PODXL: variants seen among roughly 807,000 people sequenced by gnomAD.
PODXL encodes podocalyxin like, also known as podocalyxin.
In PODXL, 20 loss-of-function variants were observed where a neutral mutation model predicts 48.9. That is an observed-to-expected ratio of 0.41 (90% CI 0.29 to 0.59). The LOEUF (loss-of-function observed/expected upper bound fraction) is 0.59. PODXL is among the 20% of genes least tolerant of loss of function. The probability of loss-of-function intolerance (pLI) is 0.31; values close to 1 mark genes in which losing one functional copy is unlikely to be tolerated. For missense variants in PODXL, 606 were observed against 675.1 expected, an observed-to-expected ratio of 0.90 and a Z score of 1.13; for synonymous variants, 295 against 287.4, an observed-to-expected ratio of 1.03 and a Z score of -0.27.
At chr7:131,539,018 GGCA>G (rs2116849318) in intron 1 of PODXL, among the ~76,000 whole-genome samples, 1 of 152,348 alleles carries the variant, frequency 6.6e-6, no homozygotes, top group Admixed American at 6.5e-5. Flanking sequence ...CCAGCCAGCT[GGCA>G]GGCGAGGACG....
rs1459193597 is a variant in PODXL, at chr7:131,504,051, T to TA, written c.*259dup. The TA allele has an allele frequency of 5.6e-6, 3 of 532,416 alleles. No homozygotes were observed. In the African/African-American group the frequency reaches 5.7e-5, roughly 10 times the overall value. 33.0% of individuals were successfully genotyped at this position (532,416 alleles called of 1,614,324 possible). ...CCACTAGTTCATCTATAAAGTCCCTTACGTGGCTTTTTCTTGATCTCCCTC... is the reference window on the plus strand; with the variant it reads ...CCACTAGTTCATCTATAAAGTCCCTTAACGTGGCTTTTTCTTGATCTCCCTC... On this transcript the variant is annotated 3_prime_UTR_variant, in exon 9 of 9. Transcript: ENST00000378555.
In PODXL at chr7:131,500,667, CAGAA is replaced by C. The variant is rs533712758; in HGVS notation, c.*3640_*3643del. ...GCTCATCCAAAACTTTGTTTCTTGG[CAGAA>C]AGAAAGAATTGTTCACTTACATCTT... On this transcript the variant is annotated 3_prime_UTR_variant, in exon 9 of 9. Transcript: ENST00000378555. 1.3e-4 allele frequency: 20 copies of C among 152,314 alleles called. No individual in the cohort carries two copies. Among genetic ancestry groups the C allele is most frequent in the South Asian group, 1.0e-3 (5 of 4,824 alleles). The allele number at this position is 152,314 out of a possible 1,614,324, so 9.4% of individuals were successfully genotyped here.
At chr7:131,528,175 C>A (rs1026223966) in intron 1 of PODXL, among the ~76,000 whole-genome samples, 2 of 152,072 alleles carry the variant, frequency 1.3e-5, no homozygotes, top group Non-Finnish European at 2.9e-5. Flanking sequence ...GGATTTCAGG[C>A]GTGAGCCACC....
At chr7:131,527,697 T>G (rs907258043) in intron 1 of PODXL, among the ~76,000 whole-genome samples, 2 of 152,190 alleles carry the variant, frequency 1.3e-5, no homozygotes, top group African/African-American at 2.4e-5. Context: ...ACCAGAGACA[T>G]ACGGCAGCAG....
chr7:131,505,766 G>A, intron 8 of PODXL, 102 bp downstream of exon 8: 1 of 1,196,072 alleles, frequency 8.4e-7, no homozygotes, highest in Non-Finnish European at 1.2e-6. Flanking sequence ...AAAGGGTCCA[G>A]GGCCTGCTCC....
chr7:131,515,187 A>C (rs1481533742), intron 1 of PODXL, among the ~76,000 whole-genome samples: 5 of 152,206 alleles, frequency 3.3e-5, no homozygotes, highest in Admixed American at 2.6e-4. Context: ...GTTTCAAGAA[A>C]GAGAACAACA....
intron 1 of PODXL, among the ~76,000 whole-genome samples, chr7:131,511,703 G>A (rs1021005665): frequency 2.6e-5 from 4 of 151,776 alleles, no homozygotes; most frequent in African/African-American, 4.8e-5. Context: ...CTATCCTCCC[G>A]CCTCTGCCTC....
rs34232088 is a variant in PODXL, at chr7:131,507,995, C to G, written c.1101+956G>C. Among the ~76,000 whole-genome samples the G allele has an allele frequency of 7.9e-3, 1,198 of 152,302 alleles. 9 individuals are homozygous for G. Among genetic ancestry groups the G allele is most frequent in the Non-Finnish European group, 0.013 (880 of 68,026 alleles). ...TATAGACACCGTGTTCAGGTCTGTT[C>G]TAGTTCTAGTTCCTAGGGGGTGGCT... is the stretch of plus-strand genomic sequence containing the variant. On this transcript the variant is annotated intron_variant, in intron 5 of 8. Coordinates refer to ENST00000378555, the MANE Select transcript of PODXL (RefSeq NM_001018111.3).
chr7:131,522,646 C>G (rs1470867553), intron 1 of PODXL, among the ~76,000 whole-genome samples: 1 of 140,980 alleles, frequency 7.1e-6, no homozygotes, highest in Non-Finnish European at 1.6e-5. Context: ...TAACATAAAC[C>G]TTCGCACTAA....
chr7:131,528,581 A>C (rs1388704239), intron 1 of PODXL, among the ~76,000 whole-genome samples: 1 of 152,208 alleles, frequency 6.6e-6, no homozygotes, highest in East Asian at 1.9e-4. Flanking sequence ...AGAGGACCAC[A>C]CTTTGAGAAC....
At chr7:131,536,715 G>A (rs1434114456) in intron 1 of PODXL, among the ~76,000 whole-genome samples, 2 of 152,188 alleles carry the variant, frequency 1.3e-5, no homozygotes, top group African/African-American at 4.8e-5. Flanking sequence ...TCATCCTTCA[G>A]TGCCGCTGCC....
chr7:131,530,359 C>A (rs1798258044), intron 1 of PODXL, among the ~76,000 whole-genome samples: 1 of 152,118 alleles, frequency 6.6e-6, no homozygotes, highest in Non-Finnish European at 1.5e-5. Context: ...TCTCTCGCCC[C>A]TGCATGCAGC....
chr7:131,539,588 G>A (rs1418180785), intron 1 of PODXL, among the ~76,000 whole-genome samples: 1 of 152,188 alleles, frequency 6.6e-6, no homozygotes, highest in Non-Finnish European at 1.5e-5. Flanking sequence ...CAAAGTGCTG[G>A]GATTACAGGC....
At chr7:131,539,002 A>G (rs1798429221) in intron 1 of PODXL, among the ~76,000 whole-genome samples, 1 of 152,210 alleles carries the variant, frequency 6.6e-6, no homozygotes, top group Non-Finnish European at 1.5e-5. Flanking sequence ...AGGGACAGCC[A>G]ACACACCAGC....
intron 1 of PODXL, among the ~76,000 whole-genome samples, chr7:131,542,955 A>G (rs999088542): frequency 6.6e-6 from 1 of 152,108 alleles, no homozygotes; most frequent in Non-Finnish European, 1.5e-5. Context: ...GCAGAGCACG[A>G]GGAGCTGATG....
intron 1 of PODXL, among the ~76,000 whole-genome samples, chr7:131,526,266 G>C (rs1280102281): frequency 1.3e-5 from 2 of 152,172 alleles, no homozygotes; most frequent in Non-Finnish European, 2.9e-5. Flanking sequence ...ACCTGAAAGA[G>C]GGTCAACAGG....
chr7:131,506,388 G>GTCCCTCTCTTGGGGCGCAGT, intron 6 of PODXL, 67 bp from the exon 7 acceptor site: 1 of 1,540,712 alleles, frequency 6.5e-7, no homozygotes, highest in Non-Finnish European at 9.0e-7. Flanking sequence ...CGGGGACTGC[G>GTCCCTCTCTTGGGGCGCAGT]CCCCAAGAGA....
At chr7:131,537,256 G>A (rs1465994590) in intron 1 of PODXL, among the ~76,000 whole-genome samples, 1 of 151,946 alleles carries the variant, frequency 6.6e-6, no homozygotes, top group East Asian at 1.9e-4. Context: ...AGGCTGCAGT[G>A]AGCCATCATT....
chr7:131,542,811 G>C (rs1036560591), intron 1 of PODXL, among the ~76,000 whole-genome samples: 4 of 152,196 alleles, frequency 2.6e-5, no homozygotes, highest in Admixed American at 2.6e-4. Context: ...CCTCCCTCTA[G>C]AGCATGGCAG....
Sources: allele counts gnomAD v4.1 joint callset (sites outside exome capture counted in the v4.1 genomes callset), GRCh38; gene constraint gnomAD v4.1.1; transcripts MANE v1.5; gene names NCBI Gene and HGNC (gene_info 2026-07-23, HGNC 2026-07-21).